Variants in CCND3 observed in about 807,000 individuals in gnomAD.
The protein encoded by CCND3 is G1/S-specific cyclin-D3.
In CCND3, 9 loss-of-function variants were observed where a neutral mutation model predicts 28.7. The ratio of observed to expected loss-of-function variants is 0.31; its 90% CI spans 0.19 to 0.55. CCND3 has a LOEUF of 0.55. Ranked by LOEUF, CCND3 falls within the 20% of genes least tolerant of loss-of-function variation. CCND3 has a pLI of 0.93. For synonymous variants in CCND3, 164 were observed against 163.9 expected, an observed-to-expected ratio of 1.00 and a Z score of 0.00; for missense variants, 315 against 385.8, an observed-to-expected ratio of 0.82 and a Z score of 1.54.
chr6:42,037,873 A>C (rs1003565378), intron 1 of CCND3, among the ~76,000 whole-genome samples: 1 of 151,914 alleles, frequency 6.6e-6, no homozygotes, highest in South Asian at 2.1e-4. Context: ...TCTAATAAAA[A>C]TACAAAAATT....
rs560215550 is a variant in CCND3, at chr6:42,000,143, CA to C, written c.-46+48357del. On this transcript the variant is annotated intron_variant, in intron 1 of 4. Transcript: ENST00000372988. ...CATAAAGCAAGTCTCAAAAACATTT[CA>C]AAAAAAATCAGTATTATAGAGATTA... is the stretch of plus-strand genomic sequence containing the variant. Among the ~76,000 whole-genome samples, 46 of 134,114 alleles carry C rather than the reference CA, an allele frequency of 3.4e-4. 1 individual carries two copies. In the East Asian group the frequency reaches 9.5e-3, roughly 28 times the overall value. 88.0% of individuals were successfully genotyped at this position (134,114 alleles called of 152,430 possible).
chr6:42,027,945 C>T (rs1279848256), intron 1 of CCND3, among the ~76,000 whole-genome samples: 1 of 152,138 alleles, frequency 6.6e-6, no homozygotes, highest in Non-Finnish European at 1.5e-5. Context: ...CGGGGTTTTT[C>T]CACGTTGGTC....
intron 1 of CCND3, among the ~76,000 whole-genome samples, chr6:42,033,773 T>C (rs2127437680): frequency 6.7e-6 from 1 of 149,798 alleles, no homozygotes; most frequent in Non-Finnish European, 1.5e-5. Context: ...CACTTGAAAA[T>C]GGGAGGTGCA....
chr6:42,024,295 T>C (rs949302179), intron 1 of CCND3, among the ~76,000 whole-genome samples: 2 of 151,202 alleles, frequency 1.3e-5, no homozygotes, highest in African/African-American at 4.9e-5. Flanking sequence ...CTCAGCTACT[T>C]GGGAGGCTAA....
At chr6:41,949,241 G>A (rs1219016113) in intron 1 of CCND3, among the ~76,000 whole-genome samples, 6 of 152,150 alleles carry the variant, frequency 3.9e-5, no homozygotes, top group African/African-American at 1.4e-4. Flanking sequence ...CAGCACTTTG[G>A]GAGGCTGAGG....
chr6:41,936,453 A>G lies in CCND3; in HGVS notation c.711+106T>C. 2 of 1,338,480 alleles carry G rather than the reference A, an allele frequency of 1.5e-6. No homozygotes were observed. The highest frequency in any genetic ancestry group is 2.1e-6 in the Non-Finnish European group (2 of 962,814). The allele number at this position is 1,338,480 out of a possible 1,614,324, so 82.9% of individuals were successfully genotyped here. ...CACAAAGCCCCAAGGTTGTGAAACCAGGACTTGGGACCAGGTTGGGGTTGG... is the reference window on the plus strand; with the variant it reads ...CACAAAGCCCCAAGGTTGTGAAACCGGGACTTGGGACCAGGTTGGGGTTGG... On this transcript the variant is annotated intron_variant, in intron 4 of 4. Transcript: ENST00000372991. The surrounding 1 kb of genome is among the most constrained non-coding windows in gnomAD (Gnocchi z 4.4).
chr6:41,994,086 G>A (rs146721126), intron 1 of CCND3, among the ~76,000 whole-genome samples: 103 of 148,462 alleles, frequency 6.9e-4, no homozygotes, highest in African/African-American at 1.7e-3. Context: ...CACAGTTTTC[G>A]GTCAACAATG....
At chr6:42,030,867 G>A (rs1032202411) in intron 1 of CCND3, among the ~76,000 whole-genome samples, 3 of 152,092 alleles carry the variant, frequency 2.0e-5, no homozygotes, top group Non-Finnish European at 4.4e-5. Context: ...AGGGAGCTGA[G>A]CCAAGGCTGG....
chr6:42,010,422 G>A (rs952881412), intron 1 of CCND3, among the ~76,000 whole-genome samples: 11 of 152,292 alleles, frequency 7.2e-5, no homozygotes, highest in Admixed American at 2.6e-4. Context: ...TGGCTGGGTT[G>A]GGGGAGGGAG....
At chr6:42,038,004 C>G (rs1440709752) in intron 1 of CCND3, among the ~76,000 whole-genome samples, 2 of 149,550 alleles carry the variant, frequency 1.3e-5, no homozygotes, top group African/African-American at 5.0e-5. Flanking sequence ...GCACTCCACC[C>G]TGGGCGACAG....
chr6:41,944,768 T>C (rs1177299169), upstream of CCND3, among the ~76,000 whole-genome samples: 8 of 152,316 alleles, frequency 5.3e-5, no homozygotes, highest in South Asian at 8.3e-4. Flanking sequence ...ATAGACTGAC[T>C]AGTCCTGAAA....
At chr6:42,030,642 AC>A (rs769931849) in intron 1 of CCND3, among the ~76,000 whole-genome samples, 7 of 152,080 alleles carry the variant, frequency 4.6e-5, no homozygotes, top group Non-Finnish European at 7.4e-5. Context: ...CAGACTCACC[AC>A]CACAGCCTGG....
intron 1 of CCND3, among the ~76,000 whole-genome samples, chr6:42,036,399 ATATATTT>A (rs1181049110): frequency 4.6e-5 from 2 of 43,826 alleles, no homozygotes; most frequent in Non-Finnish European, 8.1e-5. Flanking sequence ...ATATATATAT[ATATATTT>A]TTTTTTTTTT....
chr6:42,003,608 G>A (rs901388814), intron 1 of CCND3, among the ~76,000 whole-genome samples: 16 of 143,564 alleles, frequency 1.1e-4, no homozygotes, highest in African/African-American at 3.6e-4. Flanking sequence ...TAAAAGCAGA[G>A]GAATAATGAG....
intron 1 of CCND3, 59 bp from the exon 2 acceptor site, chr6:41,940,644 G>A (rs1478773572): frequency 8.2e-7 from 1 of 1,212,934 alleles, no homozygotes; most frequent in Non-Finnish European, 1.2e-6. Context: ...AGCAGCGGGG[G>A]GGTGGGAGCG....
At chr6:42,021,373 A>T (rs376850391) in intron 1 of CCND3, among the ~76,000 whole-genome samples, 19 of 152,254 alleles carry the variant, frequency 1.2e-4, no homozygotes, top group East Asian at 7.7e-4. Context: ...CATTTGTTGG[A>T]CCAACTTTTC....
chr6:41,972,497 C>T (rs987564313), intron 1 of CCND3, among the ~76,000 whole-genome samples: 6 of 152,074 alleles, frequency 3.9e-5, no homozygotes, highest in East Asian at 1.9e-4. Flanking sequence ...CATCAAGCCC[C>T]GGTTATGTGA....
intron 1 of CCND3, among the ~76,000 whole-genome samples, chr6:41,988,747 GGA>G: frequency 6.7e-6 from 1 of 148,606 alleles, no homozygotes; most frequent in Non-Finnish European, 1.5e-5. Context: ...CGCCCAGGCT[GGA>G]GTGCAGTGGC....
Position 42,048,896 on chromosome 6 carries a change from C to CG in CCND3, c.-442dup. The CG allele has an allele frequency of 3.7e-6, 1 of 266,694 alleles. No individual in the cohort carries two copies. Among genetic ancestry groups the CG allele is most frequent in the South Asian group, 3.2e-5 (1 of 31,376 alleles). 16.5% of individuals were successfully genotyped at this position (266,694 alleles called of 1,614,324 possible). On this transcript the variant is annotated 5_prime_UTR_variant, in exon 1 of 5. Transcript: ENST00000372988. This position sits in a 1 kb window ranked among gnomAD's most constrained non-coding sequence, Gnocchi z 4.7. ...GCCCCCGCCCCACGCGGCATAGGTG[C>CG]GGGGGCGGGGCGCCACGGAGGCTCA... is the stretch of plus-strand genomic sequence containing the variant.
Sources: gnomAD v4.1 joint callset for allele counts (sites outside exome capture counted in the v4.1 genomes callset) on GRCh38, gnomAD v4.1.1 for gene constraint, Gnocchi (gnomAD v3.1) non-coding constraint, MANE v1.5 for transcripts, NCBI Gene and HGNC (gene_info 2026-07-23, HGNC 2026-07-21) for gene names.